Variants in CLK2 observed in about 807,000 individuals in gnomAD.
CLK2 encodes the protein dual specificity protein kinase CLK2.
Under a neutral mutation model 73.5 loss-of-function variants are expected in CLK2, and 12 were observed. The observed-to-expected ratio is 0.16, with a 90% CI of 0.10 to 0.26. CLK2 has a LOEUF of 0.26. Among genes scored for constraint, CLK2 ranks in the 10% least tolerant of loss-of-function variants. The probability of loss-of-function intolerance (pLI) is 1.00; values close to 1 mark genes in which losing one functional copy is unlikely to be tolerated. For synonymous variants in CLK2, 232 were observed against 237.9 expected (o/e 0.98, Z 0.23); for missense variants, 509 against 688.4 (o/e 0.74, Z 2.92).
At chr1:155,266,646 G>C (rs1477704980) in intron 7 of CLK2, 83 bp downstream of exon 7, 3 of 1,427,176 alleles carry the variant, frequency 2.1e-6, no homozygotes, top group East Asian at 4.8e-5. Context: ...GACTGTTTAG[G>C]GGCTTCACCA....
rs2049802 is a variant in CLK2, at chr1:155,268,821, G to C, written c.400-26C>G. On this transcript the variant is annotated intron_variant, in intron 3 of 12. Coordinates refer to ENST00000368361, the MANE Select transcript of CLK2 (RefSeq NM_001294338.2). The surrounding 1 kb of genome is among the most constrained non-coding windows in gnomAD (Gnocchi z 5.6). ...CTGTCGGGGGGCAGGGGGGGTCGGAGCAAGCCAGGTGTCGGAGCGGGGGCC... is the reference window on the plus strand; with the variant it reads ...CTGTCGGGGGGCAGGGGGGGTCGGACCAAGCCAGGTGTCGGAGCGGGGGCC... 5.0e-6 allele frequency: 6 copies of C among 1,192,772 alleles called. No individual in the cohort carries two copies. Among genetic ancestry groups the C allele is most frequent in the South Asian group, 3.6e-5 (3 of 83,970 alleles). The allele number at this position is 1,192,772 out of a possible 1,614,324, so 73.9% of individuals were successfully genotyped here.
Position 155,263,196 on chromosome 1 carries a change from A to AG in CLK2, c.*21dup, listed in dbSNP as rs1297588450. On this transcript the variant is annotated 3_prime_UTR_variant, in exon 13 of 13. Transcript: ENST00000368361. ...GGACACCCACTGCTATAAAAGATGC[A>AG]GGGGGGCCCAGGGCCTGATCGTCAC... 2 of 1,600,732 alleles carry AG rather than the reference A, an allele frequency of 1.2e-6. No individual in the cohort carries two copies. Among genetic ancestry groups the AG allele is most frequent in the South Asian group, 1.1e-5 (1 of 89,818 alleles).
chr1:155,271,835 G>A (rs996251197), intron 1 of CLK2, among the ~76,000 whole-genome samples: 4 of 152,046 alleles, frequency 2.6e-5, no homozygotes, highest in South Asian at 2.1e-4. Context: ...CCAGGTAAAC[G>A]CCAAATACTA....
At chr1:155,271,096 C>A in intron 1 of CLK2, 119 bp from the exon 2 acceptor site, 2 of 1,006,354 alleles carry the variant, frequency 2.0e-6, no homozygotes, top group Admixed American at 2.1e-5. Flanking sequence ...CTCTTTTTAC[C>A]AGGCACAACT....
At chr1:155,269,820 A>G (rs1673416491) in intron 2 of CLK2, 104 bp from the exon 3 acceptor site, 1 of 1,076,814 alleles carries the variant, frequency 9.3e-7, no homozygotes, top group African/African-American at 1.5e-5. Flanking sequence ...GTAATGCTAG[A>G]AAACTGTTCT....
Position 155,263,376 on chromosome 1 carries a change from C to G in CLK2, c.1342G>C (p.Glu448Gln), listed in dbSNP as rs890531904. Residue 448 changes from glutamate to glutamine, a missense_variant, in exon 13 of 13, where the codon GAA (glutamate) becomes CAA (glutamine). Around this residue, in one of 6 missense-constraint regions of CLK2, gnomAD observed 134 missense variants for 146.0 expected, o/e 0.92. Coordinates refer to ENST00000368361, the MANE Select transcript of CLK2 (RefSeq NM_001294338.2). Reference sequence around the variant, plus strand: ...ATCAGATCGAAGAGCTGGTGGTGTTCCTCTGCCTCTGAGGTCAGATACCGC... The same window carrying G: ...ATCAGATCGAAGAGCTGGTGGTGTTGCTCTGCCTCTGAGGTCAGATACCGC... ...LRRYLTSEAE[E>Q]HHQLFDLIES... The G allele has an allele frequency of 1.9e-6, 3 of 1,614,012 alleles. No homozygotes were observed. The highest frequency in any genetic ancestry group is 1.7e-5 in the Admixed American group (1 of 60,008).
chr1:155,264,231 G>C lies in CLK2; in HGVS notation c.1216C>G (p.Arg406Gly), dbSNP rs148639197. The change falls in exon 11 of 13, where the codon CGA becomes GGA. Residue 406 changes from arginine to glycine, a missense_variant. Physicochemically the swap from Arg to Gly is moderately radical, Grantham distance 125. Transcript: ENST00000368361. ...CCCCTCAAGGTTCACCTTGTCTTTC[G>C]GATCATCCGGGAAGGGATAGGACCC... ...ILGPIPSRMI[R>G]KTRKQKYFYR... The C allele has an allele frequency of 8.7e-6, 14 of 1,614,036 alleles. No homozygotes were observed. Among genetic ancestry groups the C allele is most frequent in the Admixed American group, 5.0e-5 (3 of 60,006 alleles).
chr1:155,271,227 T>C (rs538605951), intron 1 of CLK2, among the ~76,000 whole-genome samples: 1 of 151,476 alleles, frequency 6.6e-6, no homozygotes, highest in Non-Finnish European at 1.5e-5. Flanking sequence ...TCAGTTCAAG[T>C]GTTCTTATTT....
intron 12 of CLK2, 165 bp downstream of exon 12, chr1:155,263,785 C>G: frequency 6.5e-6 from 6 of 921,740 alleles, no homozygotes; most frequent in Non-Finnish European, 7.8e-6. Context: ...CTCCACAAAA[C>G]CACTCCCTCT....
chr1:155,271,006 A>G (rs772616211), intron 1 of CLK2, 29 bp from the exon 2 acceptor site: 1 of 1,596,744 alleles, frequency 6.3e-7, no homozygotes, highest in Non-Finnish European at 8.6e-7. Flanking sequence ...CGGAAATAGG[A>G]AAGTTTCGAG....
In CLK2 at chr1:155,268,914, T is replaced by G; in HGVS notation, c.400-119A>C. 4.4e-6 allele frequency: 3 copies of G among 681,084 alleles called. No individual in the cohort carries two copies. Among genetic ancestry groups the G allele is most frequent in the East Asian group, 5.4e-5 (2 of 37,102 alleles). 42.2% of individuals were successfully genotyped at this position (681,084 alleles called of 1,614,324 possible). A position where few individuals can be genotyped will look rare whatever the true frequency, so the allele number is the denominator to read the frequency against. ...GCGCCCAGCCAGGGGGGACAGACGA[T>G]GATGGGGGACAGTGGAAGGGAACAC... On this transcript the variant is annotated intron_variant, in intron 3 of 12. Coordinates refer to ENST00000368361, the MANE Select transcript of CLK2 (RefSeq NM_001294338.2). This position sits in a 1 kb window ranked among gnomAD's most constrained non-coding sequence, Gnocchi z 5.6.
chr1:155,265,592 A>AATAT (rs1553224452), intron 8 of CLK2, among the ~76,000 whole-genome samples: 10 of 149,806 alleles, frequency 6.7e-5, no homozygotes, highest in African/African-American at 1.2e-4. Context: ...TAAATAAATA[A>AATAT]ATAAATAAAT....
chr1:155,269,017 C>T (rs1673363641), intron 3 of CLK2: 2 of 608,946 alleles, frequency 3.3e-6, no homozygotes, highest in Non-Finnish European at 5.9e-6. Flanking sequence ...AAAACAGGAA[C>T]AGGGAGAGGC....
At chr1:155,270,485 C>T (rs1673443113) in intron 2 of CLK2, among the ~76,000 whole-genome samples, 3 of 152,320 alleles carry the variant, frequency 2.0e-5, no homozygotes, top group African/African-American at 7.2e-5. Context: ...TTTGCACATG[C>T]TTTCCCTCTG....
chr1:155,262,901 C>A lies in CLK2; in HGVS notation c.*317G>T. On this transcript the variant is annotated 3_prime_UTR_variant, in exon 13 of 13. Transcript: ENST00000368361. ...AAATGAAGCACGTTATTTTATTTCA[C>A]AAAGACTGTACAAAATTCCTTATAA... The A allele has an allele frequency of 3.5e-6, 1 of 287,634 alleles. No individual in the cohort carries two copies. The highest frequency in any genetic ancestry group is 6.5e-6 in the Non-Finnish European group (1 of 154,854). 17.8% of individuals were successfully genotyped at this position (287,634 alleles called of 1,614,324 possible).
intron 12 of CLK2, 69 bp from the exon 13 acceptor site, chr1:155,263,469 C>T: frequency 6.4e-7 from 1 of 1,571,824 alleles, no homozygotes. Context: ...CAAGACCCTA[C>T]CTTTCATTCT....
Position 155,268,430 on chromosome 1 carries a change from A to G in CLK2, c.488-71T>C. The G allele has an allele frequency of 7.7e-7, 1 of 1,291,998 alleles. No homozygotes were observed. The highest frequency in any genetic ancestry group is 2.3e-5 in the East Asian group (1 of 43,068). 80.0% of individuals were successfully genotyped at this position (1,291,998 alleles called of 1,614,324 possible). A position where few individuals can be genotyped will look rare whatever the true frequency, so the allele number is the denominator to read the frequency against. On this transcript the variant is annotated intron_variant, in intron 4 of 12. Coordinates refer to ENST00000368361, the MANE Select transcript of CLK2 (RefSeq NM_001294338.2). This position sits in a 1 kb window ranked among gnomAD's most constrained non-coding sequence, Gnocchi z 5.6. ...TGGGGAATGAGCTGAGTTGGAAGAAAAAAGGGGACAGCAACCTGGGGTGGA... is the reference window on the plus strand; with the variant it reads ...TGGGGAATGAGCTGAGTTGGAAGAAGAAAGGGGACAGCAACCTGGGGTGGA...
At chr1:155,271,119 C>A (rs1295216031) in intron 1 of CLK2, 142 bp from the exon 2 acceptor site, 1 of 818,608 alleles carries the variant, frequency 1.2e-6, no homozygotes, top group East Asian at 2.5e-5. Context: ...CTCAGTCTTC[C>A]TCTGTACTTA....
Position 155,268,621 on chromosome 1 carries a change from A to G in CLK2, c.487+87T>C. 3.2e-6 allele frequency: 4 copies of G among 1,251,538 alleles called. No individual in the cohort carries two copies. Among genetic ancestry groups the G allele is most frequent in the Non-Finnish European group, 4.7e-6 (4 of 851,630 alleles). The allele number at this position is 1,251,538 out of a possible 1,614,324, so 77.5% of individuals were successfully genotyped here. On this transcript the variant is annotated intron_variant, in intron 4 of 12. Transcript: ENST00000368361. This position sits in a 1 kb window ranked among gnomAD's most constrained non-coding sequence, Gnocchi z 5.6. ...ATAAACAACACCACTGAGAAAAGGC[A>G]AGAGGCTGTGACTCAGGTTGGCTTG...
Sources: gnomAD v4.1 joint callset for allele counts (sites outside exome capture counted in the v4.1 genomes callset) on GRCh38, gnomAD v4.1.1 for gene constraint, gnomAD v4.1.1 regional missense constraint, Gnocchi (gnomAD v3.1) non-coding constraint, MANE v1.5 for transcripts, NCBI Gene and HGNC (gene_info 2026-07-23, HGNC 2026-07-21) for gene names.